RBM19: variants seen among roughly 807,000 people sequenced by gnomAD.
RBM19 encodes RNA binding motif protein 19.
RBM19 carries 94 observed loss-of-function variants against 116.8 expected under a neutral mutation model. That is an observed-to-expected ratio of 0.80 (90% CI 0.68 to 0.95). The LOEUF (loss-of-function observed/expected upper bound fraction) is 0.95, where lower values mean the gene tolerates loss of function less well. Ranked by LOEUF, RBM19 falls within the 40% of genes least tolerant of loss-of-function variation. The pLI, the probability that RBM19 is intolerant of heterozygous loss-of-function variation, is 0.00. For missense variants in RBM19, 1,161 were observed against 1,220.7 expected, an observed-to-expected ratio of 0.95 and a Z score of 0.73; for synonymous variants, 475 against 494.1, an observed-to-expected ratio of 0.96 and a Z score of 0.51.
At chr12:113,912,511 A>G (rs988305724) in intron 21 of RBM19, among the ~76,000 whole-genome samples, 2 of 152,154 alleles carry the variant, frequency 1.3e-5, no homozygotes, top group Middle Eastern at 3.2e-3. Flanking sequence ...CCAAATCCCC[A>G]TTCAGCGGCA....
At chr12:113,910,086 T>C (rs1882333765) in intron 21 of RBM19, among the ~76,000 whole-genome samples, 1 of 152,176 alleles carries the variant, frequency 6.6e-6, no homozygotes, top group South Asian at 2.1e-4. Context: ...TGCCTAGACA[T>C]TCCCACGCCA....
rs770906035 is a variant in RBM19, at chr12:113,950,153, T to C, written c.1002A>G (p.Gly334=). Residue 334 remains glycine, a splice_region_variant and synonymous_variant, in exon 9 of 24, where the codon GGA becomes GGG. Transcript: ENST00000261741. ...IVRNAHGNKT[G]YIFVDFSNEE... Reference sequence around the variant, plus strand: ...CATTGCTGAAATCCACAAAGATGTATCCTGACAGAGGACAATGACAGAGGT... The same window carrying C: ...CATTGCTGAAATCCACAAAGATGTACCCTGACAGAGGACAATGACAGAGGT... The C allele has an allele frequency of 1.4e-5, 22 of 1,607,188 alleles. 1 individual carries two copies. In the South Asian group the frequency reaches 2.1e-4, roughly 15 times the overall value.
chr12:113,933,365 G>A (rs1869783067), intron 16 of RBM19, among the ~76,000 whole-genome samples: 1 of 151,702 alleles, frequency 6.6e-6, no homozygotes, highest in Admixed American at 6.6e-5. Flanking sequence ...TGGGGGAGGA[G>A]CAGGTGAAAA....
chr12:113,954,320 A>C (rs1385721884), intron 7 of RBM19, among the ~76,000 whole-genome samples: 1 of 152,198 alleles, frequency 6.6e-6, no homozygotes, highest in Non-Finnish European at 1.5e-5. Context: ...AATAATAATA[A>C]AAACTAAAAA....
intron 5 of RBM19, among the ~76,000 whole-genome samples, chr12:113,958,975 G>T (rs1872230102): frequency 6.6e-6 from 1 of 152,234 alleles, no homozygotes; most frequent in Non-Finnish European, 1.5e-5. Flanking sequence ...TGGTCCCAAT[G>T]CCTGAAGTAT....
In RBM19 at chr12:113,955,133, C is replaced by T; in HGVS notation, c.919G>A (p.Glu307Lys). ...KLRGAPFNVT[E>K]KNVMEFLAPL... ...CCTTGTCCTCAGTTAGCACATACCT[C>T]TGTGACATTGAACGGGGCTCCCCGC... is the stretch of plus-strand genomic sequence containing the variant. Residue 307 changes from glutamate (E) to lysine (K), a missense_variant and splice_region_variant, in exon 7 of 24, where the codon GAG becomes AAG. By Grantham distance (56) the Glu-to-Lys change is moderately conservative (BLOSUM62 1). Coordinates refer to ENST00000261741, the MANE Select transcript of RBM19 (RefSeq NM_016196.4). 6.2e-7 allele frequency: 1 copy of T among 1,614,074 alleles called. No homozygotes were observed. The highest frequency in any genetic ancestry group is 8.5e-7 in the Non-Finnish European group (1 of 1,179,994).
intron 23 of RBM19, among the ~76,000 whole-genome samples, chr12:113,830,253 T>G (rs1350479660): frequency 6.6e-6 from 1 of 152,188 alleles, no homozygotes; most frequent in African/African-American, 2.4e-5. Context: ...TGGTTCTCAA[T>G]CCAGCTGTCT....
intron 23 of RBM19, among the ~76,000 whole-genome samples, chr12:113,838,463 G>A (rs568509417): frequency 7.9e-5 from 12 of 152,144 alleles, no homozygotes; most frequent in African/African-American, 2.9e-4. Flanking sequence ...CAAACAACAT[G>A]GGGAGAGCAT....
intron 21 of RBM19, among the ~76,000 whole-genome samples, chr12:113,899,874 C>T: frequency 6.6e-6 from 1 of 152,054 alleles, no homozygotes; most frequent in East Asian, 1.9e-4. Context: ...CCAACGGCGG[C>T]CCTCCGAGCA....
rs373096646 is a variant in RBM19, at chr12:113,948,974, T to C, written c.1135A>G (p.Asn379Asp). 2 of 1,614,096 alleles carry C rather than the reference T, an allele frequency of 1.2e-6. No individual in the cohort carries two copies. Among genetic ancestry groups the C allele is most frequent in the African/African-American group, 1.3e-5 (1 of 74,920 alleles). The change falls in exon 10 of 24, where the codon AAT (asparagine) becomes GAT (aspartate). Residue 379 changes from asparagine to aspartate, a missense_variant. By Grantham distance (23) the Asn-to-Asp change is conservative. Coordinates refer to ENST00000261741, the MANE Select transcript of RBM19 (RefSeq NM_016196.4). ...CGGCCTTGCCAGGATTTGGTGGTAT[T>C]CTTTGGTGCACCCTTGGTGGTGGGG... is the stretch of plus-strand genomic sequence containing the variant. ...NVPTTKGAPKNTTKSWQGRIL... is the reference protein window; with the variant it reads ...NVPTTKGAPKDTTKSWQGRIL...
intron 21 of RBM19, among the ~76,000 whole-genome samples, chr12:113,866,964 T>C (rs1314970667): frequency 1.3e-5 from 2 of 152,250 alleles, no homozygotes; most frequent in Non-Finnish European, 2.9e-5. Context: ...GTCCTACATT[T>C]GGGCTCCATT....
intron 21 of RBM19, among the ~76,000 whole-genome samples, chr12:113,883,219 A>C (rs183126547): frequency 6.6e-6 from 1 of 152,372 alleles, no homozygotes; most frequent in Non-Finnish European, 1.5e-5. Context: ...CCAGAGTGAC[A>C]GTGACAGTAG....
At chr12:113,831,600 C>G (rs2135693681) in intron 23 of RBM19, among the ~76,000 whole-genome samples, 1 of 152,370 alleles carries the variant, frequency 6.6e-6, no homozygotes, top group Non-Finnish European at 1.5e-5. Context: ...CCCGGCACAG[C>G]TGGCTTCCCC....
intron 21 of RBM19, among the ~76,000 whole-genome samples, chr12:113,887,819 C>A (rs564074492): frequency 1.1e-4 from 16 of 151,804 alleles, no homozygotes; most frequent in Admixed American, 3.9e-4. Context: ...CTCCTGGGTT[C>A]GGGTGATCCT....
chr12:113,922,971 C>G (rs1469276734), intron 18 of RBM19, among the ~76,000 whole-genome samples: 3 of 152,062 alleles, frequency 2.0e-5, no homozygotes, highest in Non-Finnish European at 4.4e-5. Flanking sequence ...CCATCTCTAC[C>G]AAGAATACAA....
In RBM19 at chr12:113,879,446, T is replaced by TATATATATATATATATAC. The variant is rs893952657; in HGVS notation, c.2559-20551_2559-20550insGTATATATATATATATAT. ...TACATACATTTTATATATATATATA[T>TATATATATATATATATAC]ATATGGACTTTTCTTTTTTTAAGGG... On this transcript the variant is annotated intron_variant, in intron 21 of 23. Transcript: ENST00000261741. Among the ~76,000 whole-genome samples, 13 of 142,326 alleles carry TATATATATATATATATAC rather than the reference T, an allele frequency of 9.1e-5. No individual in the cohort carries two copies. The South Asian group carries it at 1.7e-3, about 18-fold the overall frequency. The allele number at this position is 142,326 out of a possible 152,430, so 93.4% of individuals were successfully genotyped here.
intron 21 of RBM19, among the ~76,000 whole-genome samples, chr12:113,906,081 T>C (rs1882022870): frequency 6.6e-6 from 1 of 152,194 alleles, no homozygotes; most frequent in Admixed American, 6.5e-5. Flanking sequence ...CTACTAAAGC[T>C]GAGATATGCA....
chr12:113,884,296 T>TACACACAC lies in RBM19; in HGVS notation c.2559-25401_2559-25400insGTGTGTGT, dbSNP rs773074612. On this transcript the variant is annotated intron_variant, in intron 21 of 23. Transcript: ENST00000261741. ...AGACAATATCTCAAAAAAAAAAAAG[T>TACACACAC]ATACACACACACACACACACACACA... is the stretch of plus-strand genomic sequence containing the variant. 1.8e-3 allele frequency among the ~76,000 whole-genome samples: 147 copies of TACACACAC among 81,516 alleles called. 2 individuals carry two copies. The highest frequency in any genetic ancestry group is 0.013 in the South Asian group (36 of 2,776). The allele number at this position is 81,516 out of a possible 152,430, so 53.5% of individuals were successfully genotyped here. A position where few individuals can be genotyped will look rare whatever the true frequency, so the allele number is the denominator to read the frequency against.
At chr12:113,917,445 A>C (rs2135857859) in intron 20 of RBM19, among the ~76,000 whole-genome samples, 1 of 152,152 alleles carries the variant, frequency 6.6e-6, no homozygotes, top group African/African-American at 2.4e-5. Flanking sequence ...CAGCTCAGGA[A>C]CCCCCACTAG....
Sources: allele counts gnomAD v4.1 joint callset (sites outside exome capture counted in the v4.1 genomes callset), GRCh38; gene constraint gnomAD v4.1.1; transcripts MANE v1.5; gene names NCBI Gene and HGNC (gene_info 2026-07-23, HGNC 2026-07-21).